Variants in PCDH15 observed in about 807,000 individuals in gnomAD.
PCDH15 encodes protocadherin-15.
PCDH15 carries 129 observed loss-of-function variants against 178.5 expected under a neutral mutation model. The observed-to-expected ratio is 0.72, with a 90% confidence interval of 0.63 to 0.84. The LOEUF is 0.84. PCDH15 is among the 40% of genes least tolerant of loss of function. The pLI, the probability that PCDH15 is intolerant of heterozygous loss-of-function variation, is 0.00. For missense variants in PCDH15, 2,230 were observed against 2,099.9 expected, an observed-to-expected ratio of 1.06 and a Z score of -1.21; for synonymous variants, 800 against 732.0, an observed-to-expected ratio of 1.09 and a Z score of -1.50.
At chr10:54,168,391 C>A (rs2046490208) in intron 13 of PCDH15, among the ~76,000 whole-genome samples, 1 of 151,560 alleles carries the variant, frequency 6.6e-6, no homozygotes, top group Admixed American at 6.6e-5. Context: ...TTCTAATCTT[C>A]CTTTTCTACA....
At chr10:53,821,093 C>G (rs1479232685) in intron 32 of PCDH15, 2 of 976,234 alleles carry the variant, frequency 2.0e-6, no homozygotes, top group South Asian at 4.7e-5. Flanking sequence ...AAATGCCTTA[C>G]AAAAGTCAAC....
intron 2 of PCDH15, among the ~76,000 whole-genome samples, chr10:55,005,843 C>CA (rs1839915457): frequency 6.6e-6 from 1 of 151,860 alleles, no homozygotes; most frequent in Non-Finnish European, 1.5e-5. Flanking sequence ...TACCCTGAAG[C>CA]AAAAACAAAA....
intron 2 of PCDH15, among the ~76,000 whole-genome samples, chr10:55,346,572 C>G (rs1844759488): frequency 6.6e-6 from 1 of 152,030 alleles, no homozygotes; most frequent in East Asian, 1.9e-4. Flanking sequence ...AAACTGAAAA[C>G]ATTGAATCTC....
chr10:54,686,041 A>AT (rs66539612), intron 1 of PCDH15, among the ~76,000 whole-genome samples: 10,133 of 126,726 alleles, frequency 0.08, 525 homozygotes, highest in South Asian at 0.15. Context: ...AAGACAGCCA[A>AT]TTTTTTTTTT....
chr10:54,962,157 G>A (rs150352940), intron 2 of PCDH15, among the ~76,000 whole-genome samples: 58 of 152,352 alleles, frequency 3.8e-4, no homozygotes, highest in African/African-American at 1.2e-3. Flanking sequence ...TGGGCAGCTC[G>A]TTGAGCTGCA....
At chr10:53,848,452 G>A (rs1008222190) in intron 28 of PCDH15, among the ~76,000 whole-genome samples, 1 of 151,904 alleles carries the variant, frequency 6.6e-6, no homozygotes, top group African/African-American at 2.4e-5. Context: ...AAACTGAACT[G>A]AATGATATTT....
At chr10:55,367,420 A>G (rs1331925319) in intron 2 of PCDH15, among the ~76,000 whole-genome samples, 1 of 151,950 alleles carries the variant, frequency 6.6e-6, no homozygotes, top group Non-Finnish European at 1.5e-5. Flanking sequence ...ACCTCGCCAC[A>G]TAATAAAAAA....
At chr10:54,212,456 A>G (rs2051550419) in intron 10 of PCDH15, among the ~76,000 whole-genome samples, 1 of 152,010 alleles carries the variant, frequency 6.6e-6, no homozygotes, top group Non-Finnish European at 1.5e-5. Context: ...TATGTCTCCA[A>G]GCGTTTACTT....
intron 2 of PCDH15, among the ~76,000 whole-genome samples, chr10:54,542,936 T>C (rs11004366): frequency 0.1 from 15,454 of 152,164 alleles, 1,079 homozygotes; most frequent in East Asian, 0.36. Context: ...TACAGGTGGA[T>C]GTGGTGAGGA....
intron 15 of PCDH15, among the ~76,000 whole-genome samples, chr10:54,129,776 A>G (rs896729461): frequency 6.6e-6 from 1 of 152,152 alleles, no homozygotes; most frequent in Non-Finnish European, 1.5e-5. Context: ...CTTTGTATAC[A>G]AAAGGTTGGC....
chr10:54,190,816 A>G (rs1426203942), intron 11 of PCDH15, among the ~76,000 whole-genome samples: 2 of 152,228 alleles, frequency 1.3e-5, no homozygotes, highest in African/African-American at 4.8e-5. Flanking sequence ...GAACTAATTT[A>G]CTTTATAAAA....
At chr10:54,196,014 C>T in intron 10 of PCDH15, 125 bp from the exon 11 acceptor site, 11 of 754,682 alleles carry the variant, frequency 1.5e-5, no homozygotes, top group South Asian at 1.2e-4. Flanking sequence ...GGAAAAAATA[C>T]GTTAAAGGGC....
chr10:55,372,489 C>G (rs1370996258), intron 2 of PCDH15, among the ~76,000 whole-genome samples: 1 of 152,048 alleles, frequency 6.6e-6, no homozygotes, highest in African/African-American at 2.4e-5. Flanking sequence ...CCAGTTAGGT[C>G]AGTAATATTT....
chr10:53,821,357 C>T, intron 32 of PCDH15: 1 of 993,738 alleles, frequency 1.0e-6, no homozygotes, highest in Non-Finnish European at 1.2e-6. Flanking sequence ...AATCTAGGTA[C>T]ATTATATTTT....
intron 2 of PCDH15, among the ~76,000 whole-genome samples, chr10:54,561,992 T>C (rs1195360317): frequency 9.9e-5 from 12 of 120,728 alleles, no homozygotes; most frequent in Non-Finnish European, 5.5e-5. Flanking sequence ...TTTTTTTTTT[T>C]TTTTTTTTTT....
chr10:53,816,522 T>G (rs139739752), intron 34 of PCDH15, among the ~76,000 whole-genome samples: 153 of 152,332 alleles, frequency 1.0e-3, no homozygotes, highest in Non-Finnish European at 1.8e-3. Flanking sequence ...ATGACAAATT[T>G]AATAGCCTTA....
At chr10:54,416,885 G>A (rs1357290937) in intron 3 of PCDH15, among the ~76,000 whole-genome samples, 1 of 152,136 alleles carries the variant, frequency 6.6e-6, no homozygotes, top group Non-Finnish European at 1.5e-5. Flanking sequence ...CTGATGTTGA[G>A]CATTTTTTCA....
At chr10:55,597,499 C>A (rs1352604678) in intron 2 of PCDH15, among the ~76,000 whole-genome samples, 1 of 152,022 alleles carries the variant, frequency 6.6e-6, no homozygotes, top group African/African-American at 2.4e-5. Flanking sequence ...CCTCGATTAA[C>A]GTAATTTTCT....
chr10:54,521,104 C>G (rs944045785), intron 3 of PCDH15, among the ~76,000 whole-genome samples: 1 of 150,706 alleles, frequency 6.6e-6, no homozygotes, highest in Non-Finnish European at 1.5e-5. Context: ...GGAGATATAC[C>G]TAATGCTAAA....
Sources: allele counts gnomAD v4.1 joint callset (sites outside exome capture counted in the v4.1 genomes callset), GRCh38; gene constraint gnomAD v4.1.1; transcripts MANE v1.5; gene names NCBI Gene and HGNC (gene_info 2026-07-23, HGNC 2026-07-21).